NEB: variants seen among roughly 807,000 people sequenced by gnomAD.
The protein encoded by NEB is nebulin, also known as nemaline myopathy type 2.
In NEB, 512 loss-of-function variants were observed where a neutral mutation model predicts 952.2. The ratio of observed to expected loss-of-function variants is 0.54; its 90% CI spans 0.50 to 0.58. NEB has a LOEUF of 0.58. NEB is among the 20% of genes least tolerant of loss of function. The pLI is 0.00. For synonymous variants in NEB, 2,900 were observed against 3,149.8 expected (o/e 0.92, Z 2.66); for missense variants, 8,428 against 9,231.1 (o/e 0.91, Z 3.56).
chr2:151,618,309 A>G lies in NEB; in HGVS notation c.11042T>C (p.Val3681Ala). Residue 3681 changes from valine to alanine, a missense_variant, in exon 74 of 182, where the codon GTG becomes GCG. Physicochemically the swap from Val to Ala is moderately conservative, Grantham distance 64 (BLOSUM62 0). Coordinates refer to ENST00000397345, the MANE Select transcript of NEB (RefSeq NM_001164508.2). ...GTTTAAAGCATTGTTTTTTGCCAGC[A>G]CCTGCTCCGGAGTGTCCGTTATACT... is the stretch of plus-strand genomic sequence containing the variant. ...FTSITDTPEQ[V>A]LAKNNALNMN... 1 of 1,613,832 alleles carries G rather than the reference A, an allele frequency of 6.2e-7. No homozygotes were observed. The highest frequency in any genetic ancestry group is 8.5e-7 in the Non-Finnish European group (1 of 1,179,814).
intron 17 of NEB, among the ~76,000 whole-genome samples, chr2:151,695,969 T>G (rs1233501880): frequency 6.6e-6 from 1 of 152,230 alleles, no homozygotes; most frequent in Non-Finnish European, 1.5e-5. Flanking sequence ...GGCCCCGCCC[T>G]GTCTCTCTTG....
chr2:151,497,133 C>A, intron 171 of NEB, 100 bp from the exon 172 acceptor site: 1 of 1,414,518 alleles, frequency 7.1e-7, no homozygotes, highest in Non-Finnish European at 9.6e-7. Context: ...AGACAAAACA[C>A]AGTTGTCCAA....
intron 10 of NEB, among the ~76,000 whole-genome samples, chr2:151,715,454 G>A (rs1375405668): frequency 1.3e-5 from 2 of 152,188 alleles, no homozygotes; most frequent in Non-Finnish European, 2.9e-5. Flanking sequence ...TAACTCACAA[G>A]CATGTGATGG....
In NEB at chr2:151,672,762, CA is replaced by C. The variant is rs1293978536; in HGVS notation, c.3988-83del. On this transcript the variant is annotated intron_variant, in intron 36 of 181. Transcript: ENST00000397345. Reference sequence around the variant, plus strand: ...AATTACATTCACATATAAAGACACTCAGAGCTTTGTGACTTTCTCAAGAGTG... The same window carrying C: ...AATTACATTCACATATAAAGACACTCGAGCTTTGTGACTTTCTCAAGAGTG... The C allele has an allele frequency of 2.3e-6, 3 of 1,280,172 alleles. No homozygotes were observed. In the African/African-American group the frequency reaches 4.5e-5, roughly 19 times the overall value. The allele number at this position is 1,280,172 out of a possible 1,614,324, so 79.3% of individuals were successfully genotyped here. A position where few individuals can be genotyped will look rare whatever the true frequency, so the allele number is the denominator to read the frequency against.
rs531257691 is a variant in NEB, at chr2:151,732,552, G to A, written c.36+569C>T. On this transcript the variant is annotated intron_variant, in intron 3 of 181. Coordinates refer to ENST00000397345, the MANE Select transcript of NEB (RefSeq NM_001164508.2). ...GTAGGAAGGTGTGGCTCCAACAATC[G>A]CTGTGACCTTCATGCCTTTATTTAT... 1.7e-3 allele frequency among the ~76,000 whole-genome samples: 264 copies of A among 152,218 alleles called. 1 individual carries two copies. Among genetic ancestry groups the A allele is most frequent in the Non-Finnish European group, 3.3e-3 (224 of 67,988 alleles).
At chr2:151,514,541 A>G in intron 158 of NEB, 113 bp from the exon 159 acceptor site, 4 of 856,568 alleles carry the variant, frequency 4.7e-6, no homozygotes, top group Non-Finnish European at 7.8e-6. Context: ...CAGTTTAGTA[A>G]GTAAAAATAT....
chr2:151,541,404 C>T lies in NEB; in HGVS notation c.20682+43G>A, dbSNP rs2288199. ...TGAGGCCAGGCACATATAATCACCC[C>T]CTGTGATGCCTGAGTGGCAGGCTTA... On this transcript the variant is annotated intron_variant, in intron 136 of 181. Transcript: ENST00000397345. 1.8e-3 allele frequency: 2,700 copies of T among 1,481,878 alleles called. 41 individuals carry two copies. In the East Asian group the frequency reaches 0.033, roughly 18 times the overall value. The allele number at this position is 1,481,878 out of a possible 1,614,324, so 91.8% of individuals were successfully genotyped here.
At chr2:151,574,120 A>G (rs1159216622) in intron 107 of NEB, among the ~76,000 whole-genome samples, 2 of 152,060 alleles carry the variant, frequency 1.3e-5, no homozygotes, top group Non-Finnish European at 2.9e-5. Flanking sequence ...GACTACAGGC[A>G]CCCACCACCA....
At chr2:151,708,568 C>T (rs1474792832) in intron 12 of NEB, among the ~76,000 whole-genome samples, 7 of 152,164 alleles carry the variant, frequency 4.6e-5, no homozygotes, top group Non-Finnish European at 2.9e-5. Flanking sequence ...TCTGTTTACA[C>T]TCACTCCCTT....
In NEB at chr2:151,691,420, T is replaced by C. The variant is rs79649508; in HGVS notation, c.2211+444A>G. 8.3e-3 allele frequency among the ~76,000 whole-genome samples: 1,257 copies of C among 152,278 alleles called. 24 individuals carry two copies. Among genetic ancestry groups the C allele is most frequent in the East Asian group, 0.062 (323 of 5,170 alleles). On this transcript the variant is annotated intron_variant, in intron 23 of 181. Transcript: ENST00000397345. Reference sequence around the variant, plus strand: ...CATCATCCTGTATTAGTTTCCTTATTATTGCTTGATATCTTTCTTATTTCT... The same window carrying C: ...CATCATCCTGTATTAGTTTCCTTATCATTGCTTGATATCTTTCTTATTTCT...
chr2:151,502,688 TATCATTA>T, intron 167 of NEB, 98 bp downstream of exon 167: 1 of 712,430 alleles, frequency 1.4e-6, no homozygotes, highest in Non-Finnish European at 2.4e-6. Flanking sequence ...TAATATTTGG[TATCATTA>T]TTTTCATTAT....
chr2:151,684,602 G>A (rs945391901), intron 28 of NEB, among the ~76,000 whole-genome samples, 176 bp downstream of exon 28: 5 of 152,208 alleles, frequency 3.3e-5, no homozygotes, highest in Non-Finnish European at 5.9e-5. Context: ...GTGCAAGCCA[G>A]ATCAGTTCTT....
Position 151,679,933 on chromosome 2 carries a change from G to A in NEB, c.3132C>T (p.Ala1044=), listed in dbSNP as rs1576093509. The A allele has an allele frequency of 1.2e-6, 2 of 1,613,014 alleles. No homozygotes were observed. The highest frequency in any genetic ancestry group is 2.7e-5 in the African/African-American group (2 of 75,012). The change falls in exon 31 of 182, where the codon GCC becomes GCT. Residue 1044 remains alanine (A), a synonymous_variant. Coordinates refer to ENST00000397345, the MANE Select transcript of NEB (RefSeq NM_001164508.2). ...LPQFIQAKVN[A]YNISENMYKA... is the part of the protein sequence containing the mutation. Reference sequence around the variant, plus strand: ...ACCCACGCACCTCACTGATATTGTAGGCATTAACTTTAGCCTGGATGAACT... The same window carrying A: ...ACCCACGCACCTCACTGATATTGTAAGCATTAACTTTAGCCTGGATGAACT...
intron 13 of NEB, among the ~76,000 whole-genome samples, chr2:151,698,762 C>A (rs1016198592): frequency 2.8e-4 from 42 of 151,702 alleles, no homozygotes; most frequent in African/African-American, 1.0e-3. Flanking sequence ...CTCAGCCTCC[C>A]GAGTAGCTGG....
intron 10 of NEB, among the ~76,000 whole-genome samples, chr2:151,710,795 C>T (rs1346042603): frequency 6.6e-6 from 1 of 152,078 alleles, no homozygotes; most frequent in East Asian, 1.9e-4. Context: ...TTCATTCATT[C>T]GGAAGTTGCA....
At chr2:151,607,476 T>C (rs1158962711) in intron 83 of NEB, 28 bp downstream of exon 83, 1 of 685,460 alleles carries the variant, frequency 1.5e-6, no homozygotes, top group Admixed American at 4.1e-5. Context: ...CCATAAAGGC[T>C]TTTACACTTC....
At chr2:151,655,728 G>T (rs1291637091) in intron 50 of NEB, 89 bp downstream of exon 50, 2 of 1,361,246 alleles carry the variant, frequency 1.5e-6, no homozygotes, top group African/African-American at 1.4e-5. Flanking sequence ...AGGAATGATG[G>T]ACCTTAATTA....
At chr2:151,539,963 TAGAC>T (rs1380295128) in intron 138 of NEB, among the ~76,000 whole-genome samples, 6 of 152,312 alleles carry the variant, frequency 3.9e-5, no homozygotes, top group South Asian at 2.1e-4. Flanking sequence ...TCGGAAAAAT[TAGAC>T]AGATGATATA....
chr2:151,529,406 T>A, intron 145 of NEB, 92 bp from the exon 146 acceptor site: 1 of 813,408 alleles, frequency 1.2e-6, no homozygotes. Context: ...TGCATGACTA[T>A]AGTACACAAT....
Sources: allele counts gnomAD v4.1 joint callset (sites outside exome capture counted in the v4.1 genomes callset), GRCh38; gene constraint gnomAD v4.1.1; transcripts MANE v1.5; gene names NCBI Gene and HGNC (gene_info 2026-07-23, HGNC 2026-07-21).